The following PCDH15 variants were observed in gnomAD, a reference collection of about 807,000 sequenced individuals.
PCDH15 encodes protocadherin-15.
PCDH15 carries 129 observed loss-of-function variants against 178.5 expected under a neutral mutation model. The observed-to-expected ratio is 0.72, with a 90% CI of 0.63 to 0.84. PCDH15 has a LOEUF of 0.84. Among genes scored for constraint, PCDH15 ranks in the 40% least tolerant of loss-of-function variants. The pLI is 0.00. For synonymous variants in PCDH15, 800 were observed against 732.0 expected, an observed-to-expected ratio of 1.09 and a Z score of -1.50; for missense variants, 2,230 against 2,099.9, an observed-to-expected ratio of 1.06 and a Z score of -1.21.
At chr10:55,231,978 G>A (rs1247314389) in intron 1 of PCDH15, among the ~76,000 whole-genome samples, 1 of 151,874 alleles carries the variant, frequency 6.6e-6, no homozygotes, top group Non-Finnish European at 1.5e-5. Flanking sequence ...TTCTGTCAAA[G>A]CTGTGCCAGG....
At chr10:54,756,382 A>AT (rs1387300976) in intron 1 of PCDH15, among the ~76,000 whole-genome samples, 2 of 152,248 alleles carry the variant, frequency 1.3e-5, no homozygotes, top group South Asian at 4.2e-4. Context: ...CCCATCAGTC[A>AT]TTTTTTTCAA....
chr10:54,356,334 A>C (rs1160324883), intron 5 of PCDH15, among the ~76,000 whole-genome samples: 1 of 152,066 alleles, frequency 6.6e-6, no homozygotes, highest in Non-Finnish European at 1.5e-5. Flanking sequence ...AGGTCATGAA[A>C]GTCAAGGAAG....
At chr10:54,973,377 A>C (rs1838985257) in intron 2 of PCDH15, among the ~76,000 whole-genome samples, 1 of 152,190 alleles carries the variant, frequency 6.6e-6, no homozygotes, top group East Asian at 1.9e-4. Flanking sequence ...TTAGAGATTA[A>C]ATTTTTTAGG....
At chr10:54,104,842 CAACAAAAA>C (rs1323522325) in intron 15 of PCDH15, among the ~76,000 whole-genome samples, 5 of 77,160 alleles carry the variant, frequency 6.5e-5, no homozygotes, top group Admixed American at 1.6e-4. Context: ...GCCTCAACAA[CAACAAAAA>C]AAAAAAAAAA....
At chr10:54,130,172 T>G (rs1312767777) in intron 15 of PCDH15, among the ~76,000 whole-genome samples, 7 of 152,278 alleles carry the variant, frequency 4.6e-5, no homozygotes, top group Non-Finnish European at 7.4e-5. Flanking sequence ...ACTCTGTTGA[T>G]GTAAATACTC....
intron 3 of PCDH15, among the ~76,000 whole-genome samples, chr10:54,405,296 T>C (rs1952501003): frequency 6.6e-6 from 1 of 151,968 alleles, no homozygotes; most frequent in Non-Finnish European, 1.5e-5. Context: ...ATGTGGTACA[T>C]AAACCAAACT....
chr10:54,666,318 G>A (rs2094571224), intron 1 of PCDH15, among the ~76,000 whole-genome samples: 1 of 152,066 alleles, frequency 6.6e-6, no homozygotes, highest in African/African-American at 2.4e-5. Flanking sequence ...GAGAGAATAA[G>A]TGACTGGCTC....
chr10:54,108,029 G>T (rs1000339232), intron 15 of PCDH15, among the ~76,000 whole-genome samples: 2 of 152,070 alleles, frequency 1.3e-5, no homozygotes, highest in African/African-American at 4.8e-5. Flanking sequence ...GAATAATGAG[G>T]GTAATCATGG....
intron 13 of PCDH15, among the ~76,000 whole-genome samples, chr10:54,161,891 C>T (rs2045750999): frequency 6.6e-6 from 1 of 152,012 alleles, no homozygotes; most frequent in Admixed American, 6.6e-5. Context: ...TCCCATTCTC[C>T]TCAGCTGCAG....
chr10:54,425,124 C>A (rs939765404), intron 3 of PCDH15, among the ~76,000 whole-genome samples: 1 of 151,882 alleles, frequency 6.6e-6, no homozygotes, highest in African/African-American at 2.4e-5. Context: ...AAAGGTTCAA[C>A]TTTCATGGCT....
chr10:54,325,797 T>C (rs1268107077), intron 7 of PCDH15, among the ~76,000 whole-genome samples: 1 of 151,836 alleles, frequency 6.6e-6, no homozygotes, highest in African/African-American at 2.4e-5. Context: ...TGGTCCCAGC[T>C]AGTTGGGAGG....
At position 55,225,819 on chromosome 10, in the gene PCDH15, C is replaced by T. The variant is rs554267778; in HGVS notation, c.-155-59168G>A. Among the ~76,000 whole-genome samples the T allele has an allele frequency of 4.6e-5, 7 of 152,132 alleles. No homozygotes were observed. In the East Asian group the frequency reaches 9.7e-4, roughly 21 times the overall value. Reference sequence around the variant, plus strand: ...ACTCCAACAAGCCTTCCCCTGTACACGTTTACTGTTTAAGTAAAGAGAGAA... The same window carrying T: ...ACTCCAACAAGCCTTCCCCTGTACATGTTTACTGTTTAAGTAAAGAGAGAA... On this transcript the variant is annotated intron_variant, in intron 1 of 5. Coordinates refer to the PCDH15 transcript ENST00000458638.
In PCDH15 at chr10:54,317,328, G is replaced by A. The variant is rs2133649647; in HGVS notation, c.819C>T (p.Asn273=). The A allele has an allele frequency of 1.2e-6, 2 of 1,614,004 alleles. No individual in the cohort carries two copies. The highest frequency in any genetic ancestry group is 1.7e-6 in the Non-Finnish European group (2 of 1,179,918). The change falls in exon 8 of 38, where the codon AAC becomes AAT. Residue 273 remains asparagine, a synonymous_variant. Coordinates refer to ENST00000644397, the MANE Select transcript of PCDH15 (RefSeq NM_001384140.1). ...PMFLPCVLVP[N]TRDCRPLTYQ... is the part of the protein sequence containing the mutation. ...AAGTGAGTGGACGGCAATCACGAGT[G>A]TTTGGCACAAGGACACAAGGAAGAA...
chr10:54,745,383 C>A (rs1591406599), intron 1 of PCDH15, among the ~76,000 whole-genome samples: 2 of 121,364 alleles, frequency 1.6e-5, no homozygotes, highest in East Asian at 7.1e-4. Flanking sequence ...GAAAAAAAAA[C>A]ATGAAAGTGA....
At chr10:55,075,035 T>C (rs929343799) in intron 2 of PCDH15, among the ~76,000 whole-genome samples, 7 of 152,214 alleles carry the variant, frequency 4.6e-5, no homozygotes, top group African/African-American at 1.7e-4. Flanking sequence ...AGATGTGCGG[T>C]CTTACGTCTG....
chr10:55,524,059 C>T (rs1459086575), intron 2 of PCDH15, among the ~76,000 whole-genome samples: 2 of 145,078 alleles, frequency 1.4e-5, no homozygotes, highest in Non-Finnish European at 3.0e-5. Flanking sequence ...ATGTAAAAAC[C>T]TTTTTTTTTT....
intron 2 of PCDH15, among the ~76,000 whole-genome samples, chr10:55,590,607 T>C (rs1439331216): frequency 1.3e-5 from 2 of 152,272 alleles, no homozygotes; most frequent in African/African-American, 4.8e-5. Flanking sequence ...TGGATGCTGA[T>C]TGCTTAATGG....
In PCDH15 at chr10:54,190,563, T is replaced by C. The variant is rs77925083; in HGVS notation, c.1305+5120A>G. Among the ~76,000 whole-genome samples the C allele has an allele frequency of 9.4e-3, 1,436 of 152,246 alleles. 22 individuals carry two copies. Among genetic ancestry groups the C allele is most frequent in the African/African-American group, 0.032 (1,333 of 41,542 alleles). On this transcript the variant is annotated intron_variant, in intron 11 of 37. Coordinates refer to ENST00000644397, the MANE Select transcript of PCDH15 (RefSeq NM_001384140.1). ...GACTACAAGCATGAACCACCATGCC[T>C]GGCTAAGTTTTTTGTTTATTTTTGT...
intron 3 of PCDH15, among the ~76,000 whole-genome samples, chr10:54,862,821 G>A (rs1953867200): frequency 2.6e-5 from 4 of 152,180 alleles, no homozygotes; most frequent in Admixed American, 2.0e-4. Flanking sequence ...GCCAGATGGA[G>A]TTGCCCAGTC....
Sources: gnomAD v4.1 joint callset for allele counts (sites outside exome capture counted in the v4.1 genomes callset) on GRCh38, gnomAD v4.1.1 for gene constraint, MANE v1.5 for transcripts, NCBI Gene and HGNC (gene_info 2026-07-23, HGNC 2026-07-21) for gene names.